The following CSMD1 variants were observed in gnomAD, a reference collection of about 807,000 sequenced individuals.
CSMD1 encodes CUB and sushi domain-containing protein 1.
CSMD1 carries 213 observed loss-of-function variants against 417.5 expected under a neutral mutation model. The observed-to-expected ratio is 0.51, with a 90% CI of 0.46 to 0.57. The LOEUF is 0.57. CSMD1 is among the 20% of genes least tolerant of loss of function. The probability of loss-of-function intolerance (pLI) is 0.00; values close to 1 mark genes in which losing one functional copy is unlikely to be tolerated. For synonymous variants in CSMD1, 2,862 were observed against 1,736.8 expected (o/e 1.65, Z -16.11); for missense variants, 6,923 against 4,529.7 (o/e 1.53, Z -15.17).
intron 4 of CSMD1, among the ~76,000 whole-genome samples, chr8:4,016,192 G>A (rs1195094584): frequency 6.6e-6 from 1 of 152,172 alleles, no homozygotes; most frequent in Non-Finnish European, 1.5e-5. Context: ...ACTTGCCAGA[G>A]AGGTTTAGTC....
chr8:4,249,361 G>A (rs538638280), intron 3 of CSMD1, among the ~76,000 whole-genome samples: 20 of 152,290 alleles, frequency 1.3e-4, no homozygotes, highest in East Asian at 1.9e-4. Flanking sequence ...TTCAGTCTAC[G>A]GATGTTTCAT....
chr8:4,917,595 C>T (rs1487213986), intron 1 of CSMD1, among the ~76,000 whole-genome samples: 1 of 152,118 alleles, frequency 6.6e-6, no homozygotes, highest in Non-Finnish European at 1.5e-5. Flanking sequence ...GATCATGCCA[C>T]TGCACTCCAG....
At chr8:4,635,634 GTCTAAT>G (rs1337906830) in intron 2 of CSMD1, among the ~76,000 whole-genome samples, 1 of 152,038 alleles carries the variant, frequency 6.6e-6, no homozygotes, top group Non-Finnish European at 1.5e-5. Flanking sequence ...AAAATGGATT[GTCTAAT>G]TCTTTTTTCT....
intron 1 of CSMD1, among the ~76,000 whole-genome samples, chr8:4,828,014 T>G (rs1293121023): frequency 3.3e-5 from 5 of 152,188 alleles, no homozygotes; most frequent in African/African-American, 1.2e-4. Flanking sequence ...AAATGCATGT[T>G]ATATATTTAA....
At chr8:3,953,691 G>A (rs923930782) in intron 5 of CSMD1, among the ~76,000 whole-genome samples, 1 of 152,080 alleles carries the variant, frequency 6.6e-6, no homozygotes, top group Non-Finnish European at 1.5e-5. Context: ...GCGGGGAGGG[G>A]TGAGGGGTGG....
intron 2 of CSMD1, among the ~76,000 whole-genome samples, chr8:4,574,005 G>C (rs898479769): frequency 1.3e-5 from 2 of 152,198 alleles, no homozygotes; most frequent in Non-Finnish European, 2.9e-5. Flanking sequence ...CTCGACTTCA[G>C]ACTGCTGTGC....
chr8:4,930,692 C>T (rs537452249), intron 1 of CSMD1, among the ~76,000 whole-genome samples: 16 of 152,182 alleles, frequency 1.1e-4, no homozygotes, highest in Admixed American at 1.0e-3. Context: ...ATGTTTAGGT[C>T]GTTTATATTG....
intron 5 of CSMD1, among the ~76,000 whole-genome samples, chr8:3,917,858 A>G (rs1808933206): frequency 6.6e-6 from 1 of 152,126 alleles, no homozygotes; most frequent in South Asian, 2.1e-4. Context: ...ACATGCTTAG[A>G]AATTTTAGGC....
At chr8:3,642,544 T>C (rs1311763682) in intron 7 of CSMD1, among the ~76,000 whole-genome samples, 2 of 152,092 alleles carry the variant, frequency 1.3e-5, no homozygotes, top group Non-Finnish European at 1.5e-5. Context: ...TCTCCAAAGA[T>C]AAAGTTCCAA....
intron 3 of CSMD1, among the ~76,000 whole-genome samples, chr8:4,108,702 T>C (rs1297649265): frequency 1.3e-5 from 2 of 152,164 alleles, no homozygotes; most frequent in African/African-American, 4.8e-5. Flanking sequence ...AAGCAGACAA[T>C]ACTTAAAATA....
chr8:4,402,890 G>A (rs1384581364), intron 3 of CSMD1, among the ~76,000 whole-genome samples: 1 of 145,484 alleles, frequency 6.9e-6, no homozygotes, highest in Non-Finnish European at 1.5e-5. Context: ...CGCAATCTGG[G>A]CTCACTGCCA....
chr8:3,723,044 A>C (rs1161804948), intron 6 of CSMD1, among the ~76,000 whole-genome samples: 1 of 152,172 alleles, frequency 6.6e-6, no homozygotes, highest in Non-Finnish European at 1.5e-5. Flanking sequence ...ACACTCAAGG[A>C]ACTAGCGCAG....
At position 3,242,107 on chromosome 8, in the gene CSMD1, A is replaced by C. The variant is rs563373363; in HGVS notation, c.4154-11876T>G. Among the ~76,000 whole-genome samples, 3 of 149,346 alleles carry C rather than the reference A, an allele frequency of 2.0e-5. No homozygotes were observed. The South Asian group carries it at 6.6e-4, about 33-fold the overall frequency. ...TGATTTGGGATAAAGAAAAAGGAGC[A>C]TTAACCTTGACTATGCCTTTAGCTC... On this transcript the variant is annotated intron_variant, in intron 26 of 69. Transcript: ENST00000635120.
intron 4 of CSMD1, among the ~76,000 whole-genome samples, chr8:4,018,659 C>G (rs1281316573): frequency 6.6e-6 from 1 of 152,188 alleles, no homozygotes; most frequent in Non-Finnish European, 1.5e-5. Flanking sequence ...TTGTTTAATT[C>G]AAGTTGTAAT....
intron 56 of CSMD1, among the ~76,000 whole-genome samples, chr8:2,973,673 A>G (rs1453451427): frequency 6.6e-6 from 1 of 152,164 alleles, no homozygotes; most frequent in African/African-American, 2.4e-5. Flanking sequence ...GGAAAAAAAA[A>G]AAAAAAGTCA....
intron 2 of CSMD1, among the ~76,000 whole-genome samples, chr8:4,560,457 AACCAAAT>A (rs1798280936): frequency 6.6e-6 from 1 of 152,182 alleles, no homozygotes; most frequent in Non-Finnish European, 1.5e-5. Context: ...TGCAATCTAT[AACCAAAT>A]GTATTTTAGT....
chr8:3,550,226 C>T (rs952895862), intron 10 of CSMD1, among the ~76,000 whole-genome samples: 1 of 152,120 alleles, frequency 6.6e-6, no homozygotes, highest in Non-Finnish European at 1.5e-5. Flanking sequence ...AATGTCTCTT[C>T]CTTTAGAATA....
chr8:3,342,905 GT>G (rs1336875060), intron 23 of CSMD1, among the ~76,000 whole-genome samples: 15 of 151,992 alleles, frequency 9.9e-5, no homozygotes, highest in African/African-American at 3.6e-4. Flanking sequence ...GTGTATGTGT[GT>G]GTGTGTGTGT....
intron 3 of CSMD1, among the ~76,000 whole-genome samples, chr8:4,138,504 C>G (rs1803576697): frequency 6.6e-6 from 1 of 152,008 alleles, no homozygotes; most frequent in Admixed American, 6.6e-5. Flanking sequence ...TAAAAATGTA[C>G]AAAATCTCAG....
Sources: allele counts gnomAD v4.1 joint callset (sites outside exome capture counted in the v4.1 genomes callset), GRCh38; gene constraint gnomAD v4.1.1; transcripts MANE v1.5; gene names NCBI Gene and HGNC (gene_info 2026-07-23, HGNC 2026-07-21).